COL26A1: variants seen among roughly 807,000 people sequenced by gnomAD.
COL26A1 encodes the protein collagen type XXVI alpha 1 chain, also known as collagen alpha-1(XXVI) chain.
Under a neutral mutation model 59.3 loss-of-function variants are expected in COL26A1, and 41 were observed. The ratio of observed to expected loss-of-function variants is 0.69; its 90% CI spans 0.54 to 0.90. The LOEUF is 0.90. COL26A1 is among the 40% of genes least tolerant of loss of function. The pLI, the probability that COL26A1 is intolerant of heterozygous loss-of-function variation, is 0.00. For synonymous variants in COL26A1, 266 were observed against 256.0 expected (o/e 1.04, Z -0.37); for missense variants, 612 against 602.3 (o/e 1.02, Z -0.17).
chr7:101,376,541 G>A (rs992443449), intron 1 of COL26A1, among the ~76,000 whole-genome samples: 1 of 152,162 alleles, frequency 6.6e-6, no homozygotes, highest in Non-Finnish European at 1.5e-5. Flanking sequence ...TCCCAGAGCT[G>A]GTCCTAAGCC....
intron 1 of COL26A1, among the ~76,000 whole-genome samples, chr7:101,390,862 C>T (rs984799253): frequency 6.6e-6 from 1 of 152,222 alleles, no homozygotes; most frequent in Non-Finnish European, 1.5e-5. Flanking sequence ...GGCTGTGCAA[C>T]CGGTCCAGGC....
chr7:101,426,472 C>T (rs909419009), intron 2 of COL26A1, among the ~76,000 whole-genome samples: 6 of 152,290 alleles, frequency 3.9e-5, no homozygotes, highest in Middle Eastern at 3.4e-3. Context: ...TCCTCAAGGT[C>T]GCAGAAGGGC....
At chr7:101,423,126 G>T (rs1169782879) in intron 2 of COL26A1, among the ~76,000 whole-genome samples, 1 of 152,138 alleles carries the variant, frequency 6.6e-6, no homozygotes, top group Non-Finnish European at 1.5e-5. Context: ...TTAGCCAGGT[G>T]TGGTGGTGAG....
rs528374291 is a variant in COL26A1 at position 101,416,802 on chromosome 7, C to T, written c.159-3175C>T. On this transcript the variant is annotated intron_variant, in intron 1 of 12. Transcript: ENST00000313669. Reference sequence around the variant, plus strand: ...TCACCCAGTGTGGAGTGCAGCGGTGCGATCATGGCTCACTGCAGTCTCAAA... The same window carrying T: ...TCACCCAGTGTGGAGTGCAGCGGTGTGATCATGGCTCACTGCAGTCTCAAA... Among the ~76,000 whole-genome samples the T allele has an allele frequency of 7.7e-5, 11 of 143,480 alleles. 1 individual carries two copies. In the South Asian group the frequency reaches 1.6e-3, roughly 21 times the overall value. 94.1% of individuals were successfully genotyped at this position (143,480 alleles called of 152,430 possible).
intron 2 of COL26A1, 58 bp from the exon 3 acceptor site, chr7:101,447,626 G>T: frequency 8.5e-7 from 1 of 1,174,216 alleles, no homozygotes; most frequent in Admixed American, 2.0e-5. Flanking sequence ...TTGCAGCAGT[G>T]GGGTCTGGAG....
At chr7:101,391,977 TA>T (rs779262519) in intron 1 of COL26A1, among the ~76,000 whole-genome samples, 4 of 151,966 alleles carry the variant, frequency 2.6e-5, no homozygotes, top group South Asian at 2.1e-4. Flanking sequence ...CTCAGCTTCC[TA>T]AAGTGCTGGG....
chr7:101,415,242 T>C (rs1792346250), intron 1 of COL26A1, among the ~76,000 whole-genome samples: 1 of 148,340 alleles, frequency 6.7e-6, no homozygotes, highest in Admixed American at 6.8e-5. Flanking sequence ...AACCTCCGCC[T>C]CTCAGGTTCA....
At chr7:101,368,388 G>T (rs1791100108) in intron 1 of COL26A1, among the ~76,000 whole-genome samples, 1 of 152,180 alleles carries the variant, frequency 6.6e-6, no homozygotes, top group African/African-American at 2.4e-5. Flanking sequence ...ACCCAGGAAA[G>T]AATTCAAGGG....
intron 3 of COL26A1, among the ~76,000 whole-genome samples, chr7:101,526,878 G>A (rs1004071999): frequency 6.6e-6 from 1 of 152,176 alleles, no homozygotes; most frequent in Non-Finnish European, 1.5e-5. Context: ...GAGAGAGGGC[G>A]TCTCAAGCCA....
In COL26A1 at chr7:101,553,292, C is replaced by T. The variant is rs113731977; in HGVS notation, c.1030-34C>T. 13,509 of 1,604,294 alleles carry T rather than the reference C, an allele frequency of 8.4e-3. 75 individuals carry two copies. The highest frequency in any genetic ancestry group is 0.011 in the Non-Finnish European group (12,401 of 1,171,908). On this transcript the variant is annotated intron_variant, in intron 10 of 12. Transcript: ENST00000313669. The stretch of plus-strand genomic sequence containing the variant: ...AGGGTGGAGAGGTGCCCCCACCTCC[C>T]GTTCCAGTGTTGACTGTGTGACTTG...
At chr7:101,448,288 G>C (rs935603660) in intron 3 of COL26A1, among the ~76,000 whole-genome samples, 2 of 152,170 alleles carry the variant, frequency 1.3e-5, no homozygotes, top group African/African-American at 4.8e-5. Flanking sequence ...TTAGCCCGGG[G>C]GCCTGGGCTC....
intron 3 of COL26A1, among the ~76,000 whole-genome samples, chr7:101,487,135 C>T (rs935615350): frequency 8.5e-5 from 13 of 152,134 alleles, no homozygotes; most frequent in East Asian, 3.9e-4. Flanking sequence ...ACCCAGGAAC[C>T]GGCAGCACCA....
intron 1 of COL26A1, among the ~76,000 whole-genome samples, chr7:101,385,227 CACACTATATA>C (rs1234657300): frequency 7.4e-4 from 103 of 139,382 alleles, no homozygotes; most frequent in African/African-American, 2.5e-3. Context: ...CACACACACA[CACACTATATA>C]TATATATATA....
intron 2 of COL26A1, among the ~76,000 whole-genome samples, chr7:101,420,791 C>T (rs1792500121): frequency 6.6e-6 from 1 of 151,590 alleles, no homozygotes; most frequent in African/African-American, 2.4e-5. Context: ...CCCTCCCTCT[C>T]ACCAGCCCTG....
At chr7:101,497,926 G>A (rs1794624054) in intron 3 of COL26A1, among the ~76,000 whole-genome samples, 1 of 152,150 alleles carries the variant, frequency 6.6e-6, no homozygotes, top group South Asian at 2.1e-4. Flanking sequence ...TGAAGCTTCA[G>A]GGAGCTTTGA....
chr7:101,549,362 T>G, intron 9 of COL26A1, 139 bp downstream of exon 9: 1 of 555,784 alleles, frequency 1.8e-6, no homozygotes, highest in Non-Finnish European at 3.2e-6. Context: ...GGTGAGATTT[T>G]ATTTTATTTT....
chr7:101,445,507 G>A (rs1231551784), intron 2 of COL26A1, among the ~76,000 whole-genome samples: 1 of 151,202 alleles, frequency 6.6e-6, no homozygotes, highest in Non-Finnish European at 1.5e-5. Flanking sequence ...CGAGGCGGGC[G>A]GATCACGAGG....
chr7:101,438,354 C>A (rs535459604), intron 2 of COL26A1, among the ~76,000 whole-genome samples: 1 of 151,446 alleles, frequency 6.6e-6, no homozygotes, highest in Admixed American at 6.6e-5. Context: ...GAGCGAGACT[C>A]CGTCTCAAAA....
chr7:101,376,914 A>G (rs113098574), intron 1 of COL26A1, among the ~76,000 whole-genome samples: 8,209 of 152,190 alleles, frequency 0.054, 260 homozygotes, highest in East Asian at 0.086. Flanking sequence ...ACTAGAGTGC[A>G]GTGGCGTGAT....
Sources: gnomAD v4.1 joint callset for allele counts (sites outside exome capture counted in the v4.1 genomes callset) on GRCh38, gnomAD v4.1.1 for gene constraint, MANE v1.5 for transcripts, NCBI Gene and HGNC (gene_info 2026-07-23, HGNC 2026-07-21) for gene names.